The following SUMF1 variants were observed in gnomAD, a reference collection of about 807,000 sequenced individuals.
The protein encoded by SUMF1 is sulfatase modifying factor 1, also known as formylglycine-generating enzyme.
Under a neutral mutation model 47.6 loss-of-function variants are expected in SUMF1, and 48 were observed. The observed-to-expected ratio is 1.01, with a 90% CI of 0.80 to 1.28. The LOEUF (loss-of-function observed/expected upper bound fraction) is 1.28. Among genes scored for constraint, SUMF1 ranks in the 50% most tolerant of loss-of-function variants. The pLI, the probability that SUMF1 is intolerant of heterozygous loss-of-function variation, is 0.00. For synonymous variants in SUMF1, 230 were observed against 192.1 expected, an observed-to-expected ratio of 1.20 and a Z score of -1.63; for missense variants, 571 against 485.4, an observed-to-expected ratio of 1.18 and a Z score of -1.66.
At chr3:4,209,903 A>T (rs1169716419) in intron 8 of SUMF1, among the ~76,000 whole-genome samples, 1 of 151,980 alleles carries the variant, frequency 6.6e-6, no homozygotes, top group East Asian at 1.9e-4. Context: ...TAGAAAAAAA[A>T]ATTTTTTTTG....
intron 8 of SUMF1, among the ~76,000 whole-genome samples, chr3:4,255,316 T>A (rs1219486207): frequency 3.3e-5 from 3 of 91,046 alleles, no homozygotes; most frequent in African/African-American, 1.3e-4. Flanking sequence ...AGACACAGAC[T>A]GGCAAATTGG....
rs929343313 is a variant in SUMF1, at chr3:4,110,318, G to A, written c.1015-41573C>T. On this transcript the variant is annotated intron_variant and NMD_transcript_variant, in intron 8 of 12. Coordinates refer to the SUMF1 transcript ENST00000448413. ...TCAGAGGAGTACCCAGACATGTGAGGTATCAGTCTGCCACTACTGGGGGAT... is the reference window on the plus strand; with the variant it reads ...TCAGAGGAGTACCCAGACATGTGAGATATCAGTCTGCCACTACTGGGGGAT... Among the ~76,000 whole-genome samples the A allele has an allele frequency of 3.0e-4, 46 of 152,076 alleles. 1 individual carries two copies. The highest frequency in any genetic ancestry group is 1.1e-3 in the African/African-American group (45 of 41,366).
chr3:4,351,285 T>C (rs1237496057), intron 8 of SUMF1, among the ~76,000 whole-genome samples: 2 of 152,226 alleles, frequency 1.3e-5, no homozygotes, highest in Admixed American at 6.5e-5. Flanking sequence ...AAATGTTGAG[T>C]TGGAAGCTGC....
At chr3:4,246,653 G>A (rs1468964812) in intron 8 of SUMF1, among the ~76,000 whole-genome samples, 2 of 152,120 alleles carry the variant, frequency 1.3e-5, no homozygotes, top group East Asian at 3.9e-4. Context: ...ACCTGCCTCA[G>A]CATCCCAAAG....
intron 3 of SUMF1, among the ~76,000 whole-genome samples, chr3:4,430,782 C>G (rs1702208843): frequency 6.6e-6 from 1 of 152,024 alleles, no homozygotes; most frequent in Non-Finnish European, 1.5e-5. Context: ...GGCACCCAAT[C>G]AAAGTCAGGG....
At chr3:4,401,340 T>C (rs1007312792) in intron 7 of SUMF1, among the ~76,000 whole-genome samples, 14 of 152,118 alleles carry the variant, frequency 9.2e-5, no homozygotes, top group African/African-American at 3.4e-4. Context: ...AGTAATGGGA[T>C]CGCTGGGTCA....
At chr3:4,348,859 G>C (rs368653271) in intron 8 of SUMF1, among the ~76,000 whole-genome samples, 1 of 152,150 alleles carries the variant, frequency 6.6e-6, no homozygotes, top group African/African-American at 2.4e-5. Flanking sequence ...TGGGCAACAA[G>C]AGCGAAGCGC....
At chr3:4,217,961 C>CTA (rs1447289244) in intron 8 of SUMF1, among the ~76,000 whole-genome samples, 1 of 151,958 alleles carries the variant, frequency 6.6e-6, no homozygotes, top group African/African-American at 2.4e-5. Flanking sequence ...ACCTTGAAAT[C>CTA]CTGTTACTTC....
intron 8 of SUMF1, among the ~76,000 whole-genome samples, chr3:4,234,420 G>C (rs1450987550): frequency 6.6e-6 from 1 of 152,016 alleles, no homozygotes; most frequent in African/African-American, 2.4e-5. Flanking sequence ...TTCTGCTTTT[G>C]TTTTATCCTC....
chr3:4,164,340 G>A (rs570387624), intron 8 of SUMF1, among the ~76,000 whole-genome samples: 9 of 152,230 alleles, frequency 5.9e-5, no homozygotes, highest in South Asian at 2.1e-4. Flanking sequence ...ATGGTTAAAC[G>A]TACCCGGGGC....
chr3:4,313,217 T>C, intron 8 of SUMF1: 1 of 1,613,976 alleles, frequency 6.2e-7, no homozygotes, highest in South Asian at 1.1e-5. Flanking sequence ...TTGGAATTTA[T>C]ACCGAAAGGA....
At chr3:4,101,360 G>C (rs1436350892) in intron 8 of SUMF1, among the ~76,000 whole-genome samples, 3 of 152,082 alleles carry the variant, frequency 2.0e-5, no homozygotes, top group African/African-American at 4.8e-5. Flanking sequence ...GATGAACCTA[G>C]AGGGCCTGCA....
At chr3:4,174,673 T>A (rs148779078) in intron 8 of SUMF1, among the ~76,000 whole-genome samples, 1 of 152,216 alleles carries the variant, frequency 6.6e-6, no homozygotes, top group East Asian at 1.9e-4. Context: ...GTTCATCTCA[T>A]TGGGACTGGT....
At chr3:4,341,383 T>G (rs908217849) in intron 8 of SUMF1, among the ~76,000 whole-genome samples, 2 of 152,170 alleles carry the variant, frequency 1.3e-5, no homozygotes, top group Non-Finnish European at 2.9e-5. Flanking sequence ...GGCATTTTGG[T>G]TTTTTTAAAA....
chr3:4,302,384 G>T (rs1489205434), intron 8 of SUMF1, among the ~76,000 whole-genome samples: 1 of 152,178 alleles, frequency 6.6e-6, no homozygotes, highest in African/African-American at 2.4e-5. Flanking sequence ...ATTATCTAAA[G>T]ACCTAAAATC....
intron 8 of SUMF1, among the ~76,000 whole-genome samples, chr3:4,355,001 T>G (rs971525841): frequency 6.6e-6 from 1 of 152,228 alleles, no homozygotes; most frequent in Non-Finnish European, 1.5e-5. Context: ...TGCAGGGATA[T>G]GATCCCAGAC....
chr3:4,217,754 AT>A (rs11311988), intron 8 of SUMF1, among the ~76,000 whole-genome samples: 82,509 of 147,744 alleles, frequency 0.56, 23,245 homozygotes, highest in Middle Eastern at 0.6. Flanking sequence ...TTTCTTAGCT[AT>A]TTTTTTTTAA....
At chr3:4,263,486 C>A (rs950903687) in intron 8 of SUMF1, among the ~76,000 whole-genome samples, 4 of 152,152 alleles carry the variant, frequency 2.6e-5, no homozygotes, top group African/African-American at 9.7e-5. Flanking sequence ...CCTCCTTGAT[C>A]CAGCCCCAAT....
rs760472369 is a variant in SUMF1 at position 4,449,233 on chromosome 3, A to C, written c.519+33T>G. 6 of 1,612,644 alleles carry C rather than the reference A, an allele frequency of 3.7e-6. No homozygotes were observed. In the South Asian group the frequency reaches 5.5e-5, roughly 15 times the overall value. On this transcript the variant is annotated intron_variant, in intron 3 of 8. Transcript: ENST00000272902. ...CCAAACCCTTTTCAATGAGCCTTAGAGAAATACAGGAGCCTGTTGAAACAT... is the reference window on the plus strand; with the variant it reads ...CCAAACCCTTTTCAATGAGCCTTAGCGAAATACAGGAGCCTGTTGAAACAT...
Sources: allele counts gnomAD v4.1 joint callset (sites outside exome capture counted in the v4.1 genomes callset), GRCh38; gene constraint gnomAD v4.1.1; transcripts MANE v1.5; gene names NCBI Gene and HGNC (gene_info 2026-07-23, HGNC 2026-07-21).